Variants in PCLO observed in about 807,000 individuals in gnomAD.
PCLO encodes piccolo presynaptic cytomatrix protein.
Under a neutral mutation model 427.5 loss-of-function variants are expected in PCLO, and 82 were observed. The ratio of observed to expected loss-of-function variants is 0.19; its 90% CI spans 0.16 to 0.23. The LOEUF (loss-of-function observed/expected upper bound fraction) is 0.23, where lower values mean the gene tolerates loss of function less well. PCLO is among the 10% of genes least tolerant of loss of function. The pLI, the probability that PCLO is intolerant of heterozygous loss-of-function variation, is 1.00. For synonymous variants in PCLO, 2,357 were observed against 2,155.4 expected (o/e 1.09, Z -2.59); for missense variants, 6,239 against 6,115.9 (o/e 1.02, Z -0.67).
chr7:82,999,328 A>C (rs1203018641), intron 3 of PCLO, among the ~76,000 whole-genome samples: 2,140 of 138,220 alleles, frequency 0.015, 68 homozygotes, highest in African/African-American at 0.055. Context: ...ATATGTAATA[A>C]ATATATCCAT....
At chr7:82,793,692 T>C (rs1791155950) in intron 22 of PCLO, among the ~76,000 whole-genome samples, 1 of 152,204 alleles carries the variant, frequency 6.6e-6, no homozygotes, top group Non-Finnish European at 1.5e-5. Flanking sequence ...ACATTTGATA[T>C]TTGATTTCCA....
chr7:83,127,040 T>C (rs1791454772), intron 3 of PCLO, among the ~76,000 whole-genome samples: 2 of 152,110 alleles, frequency 1.3e-5, no homozygotes, highest in Non-Finnish European at 2.9e-5. Context: ...TACTTAAAAA[T>C]ACAATGTAAA....
chr7:82,802,581 T>G (rs940745933), intron 21 of PCLO, among the ~76,000 whole-genome samples: 1 of 152,274 alleles, frequency 6.6e-6, no homozygotes, highest in Non-Finnish European at 1.5e-5. Flanking sequence ...CCTTTATATG[T>G]GCTTAGATAA....
intron 3 of PCLO, among the ~76,000 whole-genome samples, chr7:83,013,060 TGCTCA>T (rs1052611103): frequency 3.3e-5 from 5 of 152,164 alleles, no homozygotes; most frequent in African/African-American, 2.4e-5. Flanking sequence ...TACACCTTGC[TGCTCA>T]GCTTTCTAAT....
intron 3 of PCLO, among the ~76,000 whole-genome samples, chr7:82,976,143 C>T (rs575332121): frequency 1.3e-5 from 2 of 152,258 alleles, no homozygotes; most frequent in African/African-American, 4.8e-5. Context: ...TCACTAGGTG[C>T]TGTTAAAGGT....
chr7:83,117,220 A>T (rs2116546119), intron 3 of PCLO, among the ~76,000 whole-genome samples: 1 of 152,278 alleles, frequency 6.6e-6, no homozygotes, highest in South Asian at 2.1e-4. Flanking sequence ...TTAATGTAGA[A>T]GGCCTGAGAA....
At chr7:82,794,271 G>A (rs1023947338) in intron 22 of PCLO, among the ~76,000 whole-genome samples, 5 of 151,660 alleles carry the variant, frequency 3.3e-5, no homozygotes, top group Non-Finnish European at 5.9e-5. Context: ...AAAGAAATGT[G>A]TTGTATTTTG....
At chr7:83,034,634 G>A (rs1788751447) in intron 3 of PCLO, among the ~76,000 whole-genome samples, 1 of 152,174 alleles carries the variant, frequency 6.6e-6, no homozygotes, top group African/African-American at 2.4e-5. Context: ...CTCACATATT[G>A]GATGTATCAA....
intron 2 of PCLO, among the ~76,000 whole-genome samples, chr7:83,143,656 A>AC (rs1296468160): frequency 6.6e-4 from 100 of 152,012 alleles, no homozygotes; most frequent in African/African-American, 2.2e-3. Context: ...AAAAAAAAAA[A>AC]AAAAACCTGA....
At chr7:82,853,615 T>C (rs2115861284) in intron 10 of PCLO, among the ~76,000 whole-genome samples, 1 of 152,312 alleles carries the variant, frequency 6.6e-6, no homozygotes, top group Admixed American at 6.5e-5. Context: ...AAAATTTGCC[T>C]ATCTCTCAAT....
rs116166378 is a variant in PCLO, at chr7:82,859,271, G to T, written c.13655-12024C>A. Among the ~76,000 whole-genome samples the T allele has an allele frequency of 7.3e-3, 1,117 of 152,292 alleles. 17 individuals carry two copies. The highest frequency in any genetic ancestry group is 0.025 in the African/African-American group (1,042 of 41,570). On this transcript the variant is annotated intron_variant, in intron 10 of 24. Transcript: ENST00000333891. Reference sequence around the variant, plus strand: ...GTGAGTGAACATAGGCAATAGACAGGAAGTGGTTATAGCAGGCCTTGGGCA... The same window carrying T: ...GTGAGTGAACATAGGCAATAGACAGTAAGTGGTTATAGCAGGCCTTGGGCA...
chr7:82,838,270 T>A lies in PCLO; in HGVS notation c.14170A>T (p.Asn4724Tyr). 6.3e-7 allele frequency: 1 copy of A among 1,589,460 alleles called. No homozygotes were observed. The highest frequency in any genetic ancestry group is 8.6e-7 in the Non-Finnish European group (1 of 1,162,172). ...ACAAAAGGGTCAGAATAACCATTGT[T>A]GTCTCGAGGAACAAGATTTCTTGCT... ...LQARNLVPRDNNGYSDPFVKV... is the reference protein window; with the variant it reads ...LQARNLVPRDYNGYSDPFVKV... The change falls in exon 15 of 25, where the codon AAC becomes TAC. Residue 4724 changes from asparagine (N) to tyrosine (Y), a missense_variant. Asn to Tyr is a moderately radical substitution (Grantham distance 143). Around this residue, in one of 5 missense-constraint regions of PCLO, gnomAD observed 877 missense variants for 925.5 expected, o/e 0.95. Transcript: ENST00000333891.
At chr7:83,131,941 G>C (rs1384651917) in intron 3 of PCLO, among the ~76,000 whole-genome samples, 2 of 151,968 alleles carry the variant, frequency 1.3e-5, no homozygotes, top group Non-Finnish European at 2.9e-5. Flanking sequence ...AAGGGTATAT[G>C]TATATATGTT....
At chr7:83,033,607 C>T (rs1788723940) in intron 3 of PCLO, among the ~76,000 whole-genome samples, 1 of 152,114 alleles carries the variant, frequency 6.6e-6, no homozygotes, top group East Asian at 1.9e-4. Context: ...ACTAACCTTT[C>T]TATATTAGTG....
At chr7:82,805,500 C>T (rs985132386) in intron 21 of PCLO, among the ~76,000 whole-genome samples, 188 bp downstream of exon 21, 1 of 152,086 alleles carries the variant, frequency 6.6e-6, no homozygotes, top group Non-Finnish European at 1.5e-5. Context: ...AACATTTATC[C>T]TTAGAATTAA....
intron 6 of PCLO, among the ~76,000 whole-genome samples, chr7:82,917,535 T>C (rs1347719178): frequency 6.6e-6 from 1 of 152,068 alleles, no homozygotes; most frequent in Admixed American, 6.6e-5. Context: ...TTCAGATATT[T>C]TTCATTTCAT....
intron 22 of PCLO, among the ~76,000 whole-genome samples, chr7:82,770,940 T>C (rs1790633988): frequency 6.6e-6 from 1 of 152,000 alleles, no homozygotes; most frequent in East Asian, 1.9e-4. Context: ...TTCCCAGAAA[T>C]ATGTTTTCTG....
intron 13 of PCLO, among the ~76,000 whole-genome samples, chr7:82,843,850 G>C (rs1027275703): frequency 6.6e-6 from 1 of 151,742 alleles, no homozygotes; most frequent in African/African-American, 2.4e-5. Flanking sequence ...TTTTTTGGTA[G>C]AGATGGGGTT....
At chr7:83,120,020 G>A (rs1347869453) in intron 3 of PCLO, among the ~76,000 whole-genome samples, 1 of 151,910 alleles carries the variant, frequency 6.6e-6, no homozygotes, top group African/African-American at 2.4e-5. Context: ...AATAAAGCAT[G>A]CCTACAAGAT....
Sources: gnomAD v4.1 joint callset for allele counts (sites outside exome capture counted in the v4.1 genomes callset) on GRCh38, gnomAD v4.1.1 for gene constraint, gnomAD v4.1.1 regional missense constraint, MANE v1.5 for transcripts, NCBI Gene and HGNC (gene_info 2026-07-23, HGNC 2026-07-21) for gene names.